The following SAMD5 variants were observed in gnomAD, a reference collection of about 807,000 sequenced individuals.
SAMD5 encodes the protein sterile alpha motif domain-containing protein 5.
A neutral mutation model predicts 11.3 loss-of-function variants in SAMD5; 13 were observed. That is an observed-to-expected ratio of 1.15 (90% CI 0.75 to 1.83). The LOEUF (loss-of-function observed/expected upper bound fraction) is 1.83, where lower values mean the gene tolerates loss of function less well. Among genes scored for constraint, SAMD5 ranks in the 40% most tolerant of loss-of-function variants. The pLI is 0.00. For missense variants in SAMD5, 255 were observed against 239.1 expected (o/e 1.07, Z -0.44); for synonymous variants, 129 against 111.3 (o/e 1.16, Z -1.00).
intron 1 of SAMD5, among the ~76,000 whole-genome samples, chr6:147,608,516 T>C (rs1329536199): frequency 2.0e-5 from 3 of 152,180 alleles, no homozygotes; most frequent in African/African-American, 7.2e-5. Context: ...GAGGTCATCA[T>C]GTTAAGTGAA....
the SAMD5 span, among the ~76,000 whole-genome samples, chr6:147,923,002 C>G: frequency 6.6e-6 from 1 of 152,220 alleles, no homozygotes; most frequent in South Asian, 2.1e-4. Flanking sequence ...TAGTCTGCCA[C>G]TGCCGCGAAT....
At chr6:147,769,452 C>T in the SAMD5 span, among the ~76,000 whole-genome samples, 5 of 152,168 alleles carry the variant, frequency 3.3e-5, no homozygotes, top group Non-Finnish European at 5.9e-5. Context: ...CCCATTTCCT[C>T]CCAAACACAC....
chr6:147,902,718 C>T, the SAMD5 span, among the ~76,000 whole-genome samples: 9 of 152,096 alleles, frequency 5.9e-5, no homozygotes, highest in African/African-American at 1.4e-4. Flanking sequence ...TGACCTTGTC[C>T]GCTGAGTTTC....
At chr6:147,949,366 A>T in the SAMD5 span, among the ~76,000 whole-genome samples, 1 of 152,188 alleles carries the variant, frequency 6.6e-6, no homozygotes, top group South Asian at 2.1e-4. Flanking sequence ...CTGTAACCCC[A>T]GTTTGGTAAG....
intron 1 of SAMD5, chr6:147,730,218 A>G (rs1791694349): frequency 2.6e-6 from 1 of 382,082 alleles, no homozygotes; most frequent in African/African-American, 2.1e-5. Flanking sequence ...TTGAAATTGG[A>G]AGACATCAGA....
chr6:147,807,210 C>G, the SAMD5 span, among the ~76,000 whole-genome samples: 1 of 152,112 alleles, frequency 6.6e-6, no homozygotes, highest in African/African-American at 2.4e-5. Context: ...TGCCATTCTC[C>G]TACCTCAGAC....
At chr6:147,532,016 G>C (rs1264070063) in intron 1 of SAMD5, among the ~76,000 whole-genome samples, 1 of 152,128 alleles carries the variant, frequency 6.6e-6, no homozygotes, top group Non-Finnish European at 1.5e-5. Context: ...AAAAGAGATA[G>C]TAAAACTAAC....
intron 1 of SAMD5, among the ~76,000 whole-genome samples, chr6:147,694,012 G>C (rs938734996): frequency 6.6e-6 from 1 of 152,100 alleles, no homozygotes; most frequent in Non-Finnish European, 1.5e-5. Flanking sequence ...GTGTCACGTG[G>C]AGCAGTTCTT....
chr6:147,800,961 A>G, the SAMD5 span, among the ~76,000 whole-genome samples: 13 of 152,226 alleles, frequency 8.5e-5, no homozygotes, highest in Admixed American at 7.2e-4. Context: ...ACATATACCT[A>G]TAACCTATTT....
In SAMD5 at chr6:147,618,830, A is replaced by G. The variant is rs145312877; in HGVS notation, c.162+109443A>G. 5.3e-3 allele frequency among the ~76,000 whole-genome samples: 809 copies of G among 152,362 alleles called. 2 individuals carry two copies. The highest frequency in any genetic ancestry group is 0.027 in the Middle Eastern group (8 of 294). ...GAAGTCATCTGAACAACACCTTTCT[A>G]CTTAGGAGATTCATCTCTTCAAAGT... On this transcript the variant is annotated intron_variant, in intron 1 of 1. Transcript: ENST00000566741.
At chr6:147,797,146 A>G in the SAMD5 span, among the ~76,000 whole-genome samples, 112 of 116,138 alleles carry the variant, frequency 9.6e-4, 2 homozygotes, top group African/African-American at 4.5e-3. Context: ...GTCTTGTGCC[A>G]GTTTTCAAAG....
chr6:147,806,052 C>A, the SAMD5 span, among the ~76,000 whole-genome samples: 1 of 152,070 alleles, frequency 6.6e-6, no homozygotes, highest in African/African-American at 2.4e-5. Context: ...GTGCTGGAGA[C>A]TTGACAGCAG....
At chr6:147,777,564 T>C in the SAMD5 span, among the ~76,000 whole-genome samples, 3 of 152,204 alleles carry the variant, frequency 2.0e-5, no homozygotes, top group Admixed American at 6.5e-5. Flanking sequence ...CTTCTAAGTG[T>C]GCAATTCAGT....
downstream of SAMD5, among the ~76,000 whole-genome samples, chr6:147,741,252 G>A (rs929876523): frequency 1.3e-5 from 2 of 152,062 alleles, no homozygotes; most frequent in Non-Finnish European, 2.9e-5. Flanking sequence ...TCTTTGCTGG[G>A]GGTCTCCAGA....
chr6:147,913,817 A>G, the SAMD5 span, among the ~76,000 whole-genome samples: 2 of 152,368 alleles, frequency 1.3e-5, no homozygotes, highest in African/African-American at 2.4e-5. Context: ...ACATACATGC[A>G]TGTGTATATA....
At chr6:147,816,301 A>AAAAAAAAAAAAAAAAAT in the SAMD5 span, among the ~76,000 whole-genome samples, 11 of 66,356 alleles carry the variant, frequency 1.7e-4, no homozygotes, top group South Asian at 4.8e-4. Flanking sequence ...AAAAAAAAAA[A>AAAAAAAAAAAAAAAAAT]ATATATATAT....
the SAMD5 span, among the ~76,000 whole-genome samples, chr6:147,912,928 C>T: frequency 8.6e-5 from 13 of 151,126 alleles, no homozygotes; most frequent in South Asian, 4.2e-4. Flanking sequence ...TAATCCAGAA[C>T]GCAATGAAGT....
chr6:147,825,578 G>C, the SAMD5 span, among the ~76,000 whole-genome samples: 8 of 148,282 alleles, frequency 5.4e-5, no homozygotes, highest in Non-Finnish European at 1.2e-4. Flanking sequence ...GAATCAACCT[G>C]GCATTTTTTT....
chr6:147,592,209 C>G (rs844575), intron 1 of SAMD5, among the ~76,000 whole-genome samples: 100,273 of 151,860 alleles, frequency 0.66, 33,331 homozygotes, highest in South Asian at 0.74. Flanking sequence ...GGTTGGTCTC[C>G]AACTGCTAGG....
Sources: allele counts gnomAD v4.1 joint callset (sites outside exome capture counted in the v4.1 genomes callset), GRCh38; gene constraint gnomAD v4.1.1; transcripts MANE v1.5; gene names NCBI Gene and HGNC (gene_info 2026-07-23, HGNC 2026-07-21).